The following ABCF2 variants were observed in gnomAD, a reference collection of about 807,000 sequenced individuals.
ABCF2 encodes ATP binding cassette subfamily F member 2.
In ABCF2, 37 loss-of-function variants were observed where a neutral mutation model predicts 76.9. The ratio of observed to expected loss-of-function variants is 0.48; its 90% CI spans 0.37 to 0.63. The LOEUF (loss-of-function observed/expected upper bound fraction) is 0.63. Ranked by LOEUF, ABCF2 falls within the 30% of genes least tolerant of loss-of-function variation. The pLI, the probability that ABCF2 is intolerant of heterozygous loss-of-function variation, is 0.00. For missense variants in ABCF2, 524 were observed against 782.1 expected (o/e 0.67, Z 3.94); for synonymous variants, 299 against 283.7 (o/e 1.05, Z -0.54).
In ABCF2 at chr7:151,223,704, G is replaced by A. The variant is rs752313140; in HGVS notation, c.696C>T (p.Gly232=). The change falls in exon 5 of 15, where the codon GGC becomes GGT. Residue 232 remains glycine (G), a synonymous_variant. Transcript: ENST00000287844. The part of the protein sequence containing the change: ...QRKKLKDFSG[G]WRMRVALARA... The stretch of plus-strand genomic sequence containing the variant: ...TGGCAAGGGCAACCCTCATCCTCCA[G>A]CCCCCACTGAAGTCTTTTAGCTTCT... The A allele has an allele frequency of 2.7e-5, 43 of 1,607,194 alleles. No individual in the cohort carries two copies. Among genetic ancestry groups the A allele is most frequent in the Admixed American group, 5.0e-5 (3 of 59,670 alleles).
Position 151,215,097 on chromosome 7 carries a change from G to A in ABCF2, c.1531-15C>T. 1.2e-6 allele frequency: 2 copies of A among 1,606,408 alleles called. No homozygotes were observed. Among genetic ancestry groups the A allele is most frequent in the Non-Finnish European group, 1.7e-6 (2 of 1,175,972 alleles). On this transcript the variant is annotated splice_polypyrimidine_tract_variant and intron_variant, in intron 13 of 14. Transcript: ENST00000287844. The surrounding 1 kb of genome is among the most constrained non-coding windows in gnomAD (Gnocchi z 4.6). ...ATTGGGCTCACCTGAGTAGAACCGTGACCTACATATAACTTGGCATTATCC... is the reference window on the plus strand; with the variant it reads ...ATTGGGCTCACCTGAGTAGAACCGTAACCTACATATAACTTGGCATTATCC...
In ABCF2 at chr7:151,222,526, T is replaced by A. The variant is rs1802289713; in HGVS notation, c.813A>T (p.Leu271=). ...CCCCCATTCCACCCTCTTACGTTTT[T>A]AGTTCTTCTTCCAACCACACGCAAG... is the stretch of plus-strand genomic sequence containing the variant. ...LDACVWLEEE[L]KTFKRILVLV... The change falls in exon 6 of 15, where the codon CTA becomes CTT. Residue 271 remains leucine (L), a synonymous_variant. Transcript: ENST00000287844. 1 of 1,613,374 alleles carries A rather than the reference T, an allele frequency of 6.2e-7. No individual in the cohort carries two copies. Among genetic ancestry groups the A allele is most frequent in the South Asian group, 1.1e-5 (1 of 91,004 alleles).
In ABCF2 at chr7:151,223,739, TGGCAGG is replaced by T; in HGVS notation, c.655_660del (p.Pro219_Ala220del). The T allele has an allele frequency of 6.2e-7, 1 of 1,613,322 alleles. No homozygotes were observed. Among genetic ancestry groups the T allele is most frequent in the Non-Finnish European group, 8.5e-7 (1 of 1,179,466 alleles). On this transcript the variant is annotated inframe_deletion, in exon 5 of 15. Coordinates refer to ENST00000287844, the MANE Select transcript of ABCF2 (RefSeq NM_007189.3). Reference sequence around the variant, plus strand: ...AAGTCTTTTAGCTTCTTGCGCTGCATGGCAGGTGTGAAACCCAGTCCATGCAAGATC... The same window carrying T: ...AAGTCTTTTAGCTTCTTGCGCTGCATTGTGAAACCCAGTCCATGCAAGATC...
In ABCF2 at chr7:151,213,996, C is replaced by A; in HGVS notation, c.*58G>T. The A allele has an allele frequency of 6.2e-7, 1 of 1,600,440 alleles. No individual in the cohort carries two copies. The highest frequency in any genetic ancestry group is 1.1e-5 in the South Asian group (1 of 89,620). ...CAGGGTCCTGTCCTGAGCGGCTGGTCAGGTTAGCAGCTGTTAGTTCCCAGA... is the reference window on the plus strand; with the variant it reads ...CAGGGTCCTGTCCTGAGCGGCTGGTAAGGTTAGCAGCTGTTAGTTCCCAGA... On this transcript the variant is annotated 3_prime_UTR_variant, in exon 15 of 15. Transcript: ENST00000287844.
At position 151,222,594 on chromosome 7, in the gene ABCF2, T is replaced by G; in HGVS notation, c.745A>C (p.Met249Leu). The change falls in exon 6 of 15, where the codon ATG becomes CTG. Residue 249 changes from methionine to leucine, a missense_variant. Physicochemically the swap from Met to Leu is conservative, Grantham distance 15. This residue lies in a region of ABCF2 where 330 missense variants were observed against 433.6 expected (regional missense o/e 0.76). Coordinates refer to ENST00000287844, the MANE Select transcript of ABCF2 (RefSeq NM_007189.3). The part of the protein sequence containing the change: ...LARALFIRPF[M>L]LLLDEPTNHL... ...TTGGTAGGCTCATCCAGGAGCAGCA[T>G]GAAGGGCCGAATAAAGAGGGCTCTG... The G allele has an allele frequency of 6.2e-7, 1 of 1,613,600 alleles. No individual in the cohort carries two copies. The highest frequency in any genetic ancestry group is 8.5e-7 in the Non-Finnish European group (1 of 1,179,720).
At chr7:151,220,470 G>C (rs1343373237) in intron 7 of ABCF2, among the ~76,000 whole-genome samples, 1 of 151,434 alleles carries the variant, frequency 6.6e-6, no homozygotes, top group Non-Finnish European at 1.5e-5. Context: ...ATGTGTGCAA[G>C]TATACATGAA....
Position 151,213,747 on chromosome 7 carries a change from T to G in ABCF2, c.*307A>C. The G allele has an allele frequency of 8.7e-7, 1 of 1,143,966 alleles. No individual in the cohort carries two copies. 70.9% of individuals were successfully genotyped at this position (1,143,966 alleles called of 1,614,324 possible). Reference sequence around the variant, plus strand: ...AAATCCAGGGCTTGGGCCCCTGGGCTAACCCGCAGGTGCCTCTGACTGCAT... The same window carrying G: ...AAATCCAGGGCTTGGGCCCCTGGGCGAACCCGCAGGTGCCTCTGACTGCAT... On this transcript the variant is annotated 3_prime_UTR_variant, in exon 15 of 15. Coordinates refer to ENST00000287844, the MANE Select transcript of ABCF2 (RefSeq NM_007189.3).
Position 151,218,129 on chromosome 7 carries a change from C to T in ABCF2, c.1290G>A (p.Gly430=). The change falls in exon 11 of 15, where the codon GGG becomes GGA. Residue 430 remains glycine, a synonymous_variant. Coordinates refer to ENST00000287844, the MANE Select transcript of ABCF2 (RefSeq NM_007189.3). The stretch of plus-strand genomic sequence containing the variant: ...GAGTTGACTTCCCTGCTCCATTGGG[C>T]CCTACCAGAGCCACTCGTGTGTCAA... ...IDLDTRVALV[G]PNGAGKSTLL... 1 of 1,614,182 alleles carries T rather than the reference C, an allele frequency of 6.2e-7. No homozygotes were observed. The highest frequency in any genetic ancestry group is 8.5e-7 in the Non-Finnish European group (1 of 1,180,012).
rs1163221979 is a variant in ABCF2 at position 151,212,091 on chromosome 7, C to A, written c.*1963G>T. ...GTCCTGTATGGTTCTGTCTTACTGG[C>A]TTTCCAAGAAGATCATGAGCTCCTA... On this transcript the variant is annotated 3_prime_UTR_variant, in exon 15 of 15. Coordinates refer to ENST00000287844, the MANE Select transcript of ABCF2 (RefSeq NM_007189.3). The A allele has an allele frequency of 1.8e-5, 18 of 974,416 alleles. No individual in the cohort carries two copies. Among genetic ancestry groups the A allele is most frequent in the Non-Finnish European group, 2.1e-5 (17 of 819,956 alleles). The allele number at this position is 974,416 out of a possible 1,614,324, so 60.4% of individuals were successfully genotyped here.
Position 151,213,310 on chromosome 7 carries a change from A to T in ABCF2, c.*744T>A, listed in dbSNP as rs925064745. 2 of 983,258 alleles carry T rather than the reference A, an allele frequency of 2.0e-6. No individual in the cohort carries two copies. Among genetic ancestry groups the T allele is most frequent in the African/African-American group, 3.5e-5 (2 of 57,200 alleles). The allele number at this position is 983,258 out of a possible 1,614,324, so 60.9% of individuals were successfully genotyped here. On this transcript the variant is annotated 3_prime_UTR_variant, in exon 15 of 15. Coordinates refer to ENST00000287844, the MANE Select transcript of ABCF2 (RefSeq NM_007189.3). ...CCTCCAGGTGATTCTGATTCATGTT[A>T]AAGTCTGTGAATCACAGGCCTGAGA...
chr7:151,225,961 T>C (rs570818868), intron 2 of ABCF2, among the ~76,000 whole-genome samples: 9 of 152,294 alleles, frequency 5.9e-5, no homozygotes, highest in Admixed American at 4.6e-4. Flanking sequence ...GACAAGCTTA[T>C]TGTATAATGT....
rs989073394 is a variant in ABCF2, at chr7:151,226,221, C to A, written c.154+84G>T. The A allele has an allele frequency of 6.2e-6, 9 of 1,454,626 alleles. No individual in the cohort carries two copies. In the Admixed American group the frequency reaches 1.2e-4, roughly 19 times the overall value. 90.1% of individuals were successfully genotyped at this position (1,454,626 alleles called of 1,614,324 possible). On this transcript the variant is annotated intron_variant, in intron 2 of 14. Coordinates refer to ENST00000287844, the MANE Select transcript of ABCF2 (RefSeq NM_007189.3). ...ATGACACCAGATACATTCTCCACTA[C>A]CCCCAGCATCAAGATTCCAACTCTG...
chr7:151,221,811 G>C, intron 6 of ABCF2, 131 bp from the exon 7 acceptor site: 1 of 693,716 alleles, frequency 1.4e-6, no homozygotes, highest in Non-Finnish European at 2.6e-6. Context: ...CTGGCTGTTA[G>C]CAAGCACCTA....
chr7:151,222,444 T>C lies in ABCF2; in HGVS notation c.818+77A>G, dbSNP rs927344294. On this transcript the variant is annotated intron_variant, in intron 6 of 14. Transcript: ENST00000287844. ...TCCTTTCTCACCGCTCTAACATCAGTGCAGTTTCTGGGCATCCATTTTCTA... is the reference window on the plus strand; with the variant it reads ...TCCTTTCTCACCGCTCTAACATCAGCGCAGTTTCTGGGCATCCATTTTCTA... 5 of 1,193,526 alleles carry C rather than the reference T, an allele frequency of 4.2e-6. No homozygotes were observed. The Admixed American group carries it at 7.1e-5, about 17-fold the overall frequency. The allele number at this position is 1,193,526 out of a possible 1,614,324, so 73.9% of individuals were successfully genotyped here. A position where few individuals can be genotyped will look rare whatever the true frequency, so the allele number is the denominator to read the frequency against.
intron 2 of ABCF2, among the ~76,000 whole-genome samples, 179 bp downstream of exon 2, chr7:151,226,126 G>A (rs1413450349): frequency 6.6e-6 from 1 of 152,106 alleles, no homozygotes; most frequent in East Asian, 1.9e-4. Flanking sequence ...CCTCGTCTTC[G>A]GCTTCCTTGC....
In ABCF2 at chr7:151,215,676, G is replaced by A. The variant is rs950336357; in HGVS notation, c.1458C>T (p.Cys486=). The A allele has an allele frequency of 4.3e-6, 7 of 1,614,010 alleles. 1 individual carries two copies. Among genetic ancestry groups the A allele is most frequent in the African/African-American group, 1.3e-5 (1 of 74,880 alleles). The change falls in exon 13 of 15, where the codon TGC becomes TGT. Residue 486 remains cysteine, a synonymous_variant. Coordinates refer to ENST00000287844, the MANE Select transcript of ABCF2 (RefSeq NM_007189.3). This position sits in a 1 kb window ranked among gnomAD's most constrained non-coding sequence, Gnocchi z 4.6. ...DLSPLEYMMK[C]YPEIKEKEEM... Reference sequence around the variant, plus strand: ...CTTCCTTCTCCTTGATCTCTGGGTAGCACTTCATCATGTACTCCAAAGGTG... The same window carrying A: ...CTTCCTTCTCCTTGATCTCTGGGTAACACTTCATCATGTACTCCAAAGGTG...
At chr7:151,217,500 G>T (rs1040994294) in intron 11 of ABCF2, among the ~76,000 whole-genome samples, 6 of 152,184 alleles carry the variant, frequency 3.9e-5, no homozygotes, top group African/African-American at 1.4e-4. Flanking sequence ...TAAATGCTCT[G>T]ATTGAAAATA....
chr7:151,222,167 T>A (rs1802281780), intron 6 of ABCF2, among the ~76,000 whole-genome samples: 1 of 152,228 alleles, frequency 6.6e-6, no homozygotes. Flanking sequence ...TTGGCTATAT[T>A]TTCCTTTGTC....
At chr7:151,223,053 T>C (rs1802303600) in intron 5 of ABCF2, among the ~76,000 whole-genome samples, 1 of 152,214 alleles carries the variant, frequency 6.6e-6, no homozygotes, top group South Asian at 2.1e-4. Flanking sequence ...ACCAGAAATC[T>C]GTGTTTTTAA....
Sources: gnomAD v4.1 joint callset for allele counts (sites outside exome capture counted in the v4.1 genomes callset) on GRCh38, gnomAD v4.1.1 for gene constraint, gnomAD v4.1.1 regional missense constraint, Gnocchi (gnomAD v3.1) non-coding constraint, MANE v1.5 for transcripts, NCBI Gene and HGNC (gene_info 2026-07-23, HGNC 2026-07-21) for gene names.